The following ANO1 variants were observed in gnomAD, a reference collection of about 807,000 sequenced individuals.
The protein encoded by ANO1 is anoctamin 1, also known as anoctamin-1.
In ANO1, 59 loss-of-function variants were observed where a neutral mutation model predicts 124.0. The ratio of observed to expected loss-of-function variants is 0.48; its 90% CI spans 0.39 to 0.59. ANO1 has a LOEUF of 0.59. Among genes scored for constraint, ANO1 ranks in the 20% least tolerant of loss-of-function variants. ANO1 has a pLI of 0.00. For synonymous variants in ANO1, 529 were observed against 532.0 expected, an observed-to-expected ratio of 0.99 and a Z score of 0.08; for missense variants, 1,059 against 1,328.0, an observed-to-expected ratio of 0.80 and a Z score of 3.15.
upstream of ANO1, among the ~76,000 whole-genome samples, chr11:69,982,172 C>T (rs1157197509): frequency 1.3e-5 from 2 of 152,168 alleles, no homozygotes; most frequent in Non-Finnish European, 2.9e-5. Flanking sequence ...TCAATTTTAT[C>T]TTATGTGAAT....
At chr11:70,162,754 C>T (rs1565265955) in intron 18 of ANO1, among the ~76,000 whole-genome samples, 1 of 152,216 alleles carries the variant, frequency 6.6e-6, no homozygotes, top group Non-Finnish European at 1.5e-5. Context: ...CCAGTGCCCC[C>T]TGAGCGCATC....
At chr11:70,150,487 C>T (rs148266102) in intron 12 of ANO1, among the ~76,000 whole-genome samples, 89 of 152,318 alleles carry the variant, frequency 5.8e-4, no homozygotes, top group Middle Eastern at 3.4e-3. Context: ...ACCTCATGCA[C>T]GCGCTGTAAG....
intron 1 of ANO1, among the ~76,000 whole-genome samples, chr11:70,019,390 T>TA (rs1856761764): frequency 1.3e-5 from 2 of 152,118 alleles, no homozygotes; most frequent in East Asian, 3.9e-4. Flanking sequence ...AGGGATGTTC[T>TA]AAAGGGAAAG....
chr11:70,079,058 C>A (rs1447686163), intron 1 of ANO1, among the ~76,000 whole-genome samples: 2 of 152,246 alleles, frequency 1.3e-5, no homozygotes, highest in East Asian at 1.9e-4. Context: ...TCACGGCTGG[C>A]GCCCTGGATG....
At chr11:70,104,774 G>A (rs1372433860) in intron 4 of ANO1, among the ~76,000 whole-genome samples, 1 of 152,178 alleles carries the variant, frequency 6.6e-6, no homozygotes, top group East Asian at 1.9e-4. Flanking sequence ...AACCCAGAGG[G>A]ACTTTGGATG....
intron 1 of ANO1, among the ~76,000 whole-genome samples, chr11:70,033,489 C>T (rs782620274): frequency 3.9e-5 from 6 of 152,204 alleles, no homozygotes; most frequent in Admixed American, 3.9e-4. Context: ...TCTCTGATAT[C>T]GTGTTGCACT....
chr11:70,161,382 G>C lies in ANO1; in HGVS notation c.1780+20G>C, dbSNP rs1203575513. Reference sequence around the variant, plus strand: ...AGATCGGTGAGTGCCCATGTTCCAGGTACTGTGGCCTGGACTCAGGCAGCT... The same window carrying C: ...AGATCGGTGAGTGCCCATGTTCCAGCTACTGTGGCCTGGACTCAGGCAGCT... On this transcript the variant is annotated intron_variant, in intron 17 of 25. Transcript: ENST00000355303. 3 of 1,611,946 alleles carry C rather than the reference G, an allele frequency of 1.9e-6. No individual in the cohort carries two copies. The highest frequency in any genetic ancestry group is 2.5e-6 in the Non-Finnish European group (3 of 1,178,226).
At chr11:70,128,625 C>G (rs10898701) in intron 10 of ANO1, among the ~76,000 whole-genome samples, 2 of 152,114 alleles carry the variant, frequency 1.3e-5, no homozygotes, top group African/African-American at 4.8e-5. Flanking sequence ...CGACCTGGAG[C>G]GAAGCGGGAG....
rs1555003925 is a variant in ANO1, at chr11:70,032,537, G to GGT, written c.59-46004_59-46003insTG. Among the ~76,000 whole-genome samples the GGT allele has an allele frequency of 6.9e-3, 858 of 123,630 alleles. 12 individuals are homozygous for GGT. The highest frequency in any genetic ancestry group is 0.023 in the African/African-American group (799 of 34,372). 81.1% of individuals were successfully genotyped at this position (123,630 alleles called of 152,430 possible). A position where few individuals can be genotyped will look rare whatever the true frequency, so the allele number is the denominator to read the frequency against. ...GAGTGAGCAGAGGGAGGCGGGAGAGGGGGGGGGTCTCTGAAGGGTAGAATC... is the reference window on the plus strand; with the variant it reads ...GAGTGAGCAGAGGGAGGCGGGAGAGGGTGGGGGGGTCTCTGAAGGGTAGAATC... On this transcript the variant is annotated intron_variant, in intron 1 of 27. Coordinates refer to the ANO1 transcript ENST00000531349.
At chr11:69,990,912 G>A (rs868907080) in intron 1 of ANO1, among the ~76,000 whole-genome samples, 13 of 152,206 alleles carry the variant, frequency 8.5e-5, no homozygotes, top group Middle Eastern at 6.8e-3. Flanking sequence ...CATTCTGTAG[G>A]TTGTCTTTTC....
At chr11:70,144,041 T>G (rs1303813291) in intron 11 of ANO1, among the ~76,000 whole-genome samples, 1 of 152,056 alleles carries the variant, frequency 6.6e-6, no homozygotes, top group African/African-American at 2.4e-5. Flanking sequence ...TCTCTCTGGA[T>G]TTACCTGAAT....
At chr11:70,150,766 TA>T (rs11418881) in intron 12 of ANO1, among the ~76,000 whole-genome samples, 5 of 149,266 alleles carry the variant, frequency 3.3e-5, no homozygotes, top group Admixed American at 6.7e-5. Context: ...TGCTCCCTTT[TA>T]AAAAAAAAAG....
chr11:70,096,818 G>A lies in ANO1; in HGVS notation c.442-6248G>A, dbSNP rs550898421. On this transcript the variant is annotated intron_variant, in intron 2 of 25. Transcript: ENST00000355303. ...GGAGATTGCAGTCAGCCAAGATTAC[G>A]CCACCGCACTCCAGCCTGGGTGACA... Among the ~76,000 whole-genome samples, 121 of 152,116 alleles carry A rather than the reference G, an allele frequency of 8.0e-4. 2 individuals are homozygous for A. The South Asian group carries it at 0.023, about 29-fold the overall frequency.
At chr11:69,978,313 G>T in the ANO1 span, among the ~76,000 whole-genome samples, 2 of 152,094 alleles carry the variant, frequency 1.3e-5, no homozygotes, top group African/African-American at 2.4e-5. Flanking sequence ...GATGGACTGG[G>T]TGCCTGCAGG....
intron 10 of ANO1, among the ~76,000 whole-genome samples, chr11:70,127,743 A>G (rs567499441): frequency 1.3e-5 from 2 of 152,186 alleles, no homozygotes; most frequent in Non-Finnish European, 2.9e-5. Context: ...CTCAGTGTGC[A>G]GAGTCCCTCT....
chr11:70,150,924 A>G (rs1245328851), intron 12 of ANO1, among the ~76,000 whole-genome samples: 2 of 152,154 alleles, frequency 1.3e-5, no homozygotes, highest in Non-Finnish European at 2.9e-5. Context: ...ACTGAACCCA[A>G]GGGTCACTCT....
At chr11:70,178,501 G>T (rs2048815226) in intron 22 of ANO1, among the ~76,000 whole-genome samples, 1 of 152,194 alleles carries the variant, frequency 6.6e-6, no homozygotes, top group South Asian at 2.1e-4. Context: ...GGAGACAGGG[G>T]TCAGGGAAGT....
At chr11:70,134,684 G>A (rs1034057843) in intron 11 of ANO1, among the ~76,000 whole-genome samples, 2 of 152,166 alleles carry the variant, frequency 1.3e-5, no homozygotes, top group Admixed American at 6.6e-5. Flanking sequence ...CCTGCATGAG[G>A]ATGTGCACGT....
At chr11:69,979,041 G>A in the ANO1 span, among the ~76,000 whole-genome samples, 1 of 152,126 alleles carries the variant, frequency 6.6e-6, no homozygotes, top group Non-Finnish European at 1.5e-5. Context: ...AGCGATGCGG[G>A]CAACCTCTAA....
Sources: allele counts gnomAD v4.1 joint callset (sites outside exome capture counted in the v4.1 genomes callset), GRCh38; gene constraint gnomAD v4.1.1; transcripts MANE v1.5; gene names NCBI Gene and HGNC (gene_info 2026-07-23, HGNC 2026-07-21).